The following FKBP5 variants were observed in gnomAD, a reference collection of about 807,000 sequenced individuals.
FKBP5 encodes the protein FKBP prolyl isomerase 5, also known as peptidyl-prolyl cis-trans isomerase FKBP5.
In FKBP5, 23 loss-of-function variants were observed where a neutral mutation model predicts 50.5. The observed-to-expected ratio is 0.46, with a 90% CI of 0.33 to 0.65. The LOEUF is 0.65. Among genes scored for constraint, FKBP5 ranks in the 30% least tolerant of loss-of-function variants. The pLI is 0.02. For missense variants in FKBP5, 411 were observed against 553.1 expected, an observed-to-expected ratio of 0.74 and a Z score of 2.58; for synonymous variants, 176 against 190.6, an observed-to-expected ratio of 0.92 and a Z score of 0.63.
At position 35,590,482 on chromosome 6, in the gene FKBP5, G is replaced by C. The variant is rs573659061; in HGVS notation, c.756+648C>G. On this transcript the variant is annotated intron_variant, in intron 7 of 10. Transcript: ENST00000357266. ...GCTGTGTGTGTCCAGGTCGGCTGCT[G>C]CTGGGAGCCTCCAGAGTGAAACTGA... is the stretch of plus-strand genomic sequence containing the variant. Among the ~76,000 whole-genome samples, 3 of 152,288 alleles carry C rather than the reference G, an allele frequency of 2.0e-5. No homozygotes were observed. In the East Asian group the frequency reaches 5.8e-4, roughly 29 times the overall value.
intron 5 of FKBP5, chr6:35,607,604 G>T: frequency 6.5e-6 from 1 of 153,010 alleles, no homozygotes; most frequent in South Asian, 1.9e-4. Flanking sequence ...CTTCTGCCAC[G>T]GCCACCATTG....
chr6:35,597,437 C>A (rs1477190056), intron 5 of FKBP5, 33 bp from the exon 6 acceptor site: 1 of 1,601,518 alleles, frequency 6.2e-7, no homozygotes, highest in Admixed American at 1.8e-5. Flanking sequence ...GTCAACAGAG[C>A]TGCTTCTTAG....
At chr6:35,710,822 C>T (rs1766398705) in intron 2 of FKBP5, among the ~76,000 whole-genome samples, 1 of 152,176 alleles carries the variant, frequency 6.6e-6, no homozygotes, top group South Asian at 2.1e-4. Flanking sequence ...AAAAGGAACA[C>T]ACTACTTAAT....
At chr6:35,703,379 A>G (rs928040522) in intron 2 of FKBP5, among the ~76,000 whole-genome samples, 1 of 152,180 alleles carries the variant, frequency 6.6e-6, no homozygotes, top group Admixed American at 6.5e-5. Flanking sequence ...GCTGCTGTCC[A>G]GCCTGGCCAA....
intron 8 of FKBP5, chr6:35,586,213 GTTTC>G (rs763451382): frequency 7.0e-5 from 69 of 984,812 alleles, no homozygotes; most frequent in Non-Finnish European, 8.3e-5. Flanking sequence ...ATGAAGGGCG[GTTTC>G]TTTTTTTCTT....
At position 35,577,125 on chromosome 6, in the gene FKBP5, C is replaced by T. The variant is rs1440770891; in HGVS notation, c.1135G>A (p.Glu379Lys). The part of the protein sequence containing the change: ...SAKGDFEKVL[E>K]VNPQNKAARL... ...GCAGCCTTATTCTGGGGGTTTACTT[C>T]CAGCACTTTCTCAAAGTCACCCTTG... Residue 379 changes from glutamate to lysine, a missense_variant, in exon 10 of 11, where the codon GAA becomes AAA. By Grantham distance (56) the Glu-to-Lys change is moderately conservative (BLOSUM62 1). Around this residue, in one of 3 missense-constraint regions of FKBP5, gnomAD observed 267 missense variants for 405.9 expected, o/e 0.66. Transcript: ENST00000357266. The T allele has an allele frequency of 3.7e-6, 6 of 1,614,164 alleles. No homozygotes were observed. Among genetic ancestry groups the T allele is most frequent in the Non-Finnish European group, 3.4e-6 (4 of 1,180,020 alleles).
At chr6:35,611,891 G>A (rs1041602881) in intron 5 of FKBP5, among the ~76,000 whole-genome samples, 2 of 152,114 alleles carry the variant, frequency 1.3e-5, no homozygotes, top group African/African-American at 2.4e-5. Context: ...TGAAAAGGAA[G>A]TAAAAGTTTA....
chr6:35,656,765 C>T (rs1285604434), intron 1 of FKBP5, among the ~76,000 whole-genome samples: 1 of 151,952 alleles, frequency 6.6e-6, no homozygotes, highest in African/African-American at 2.4e-5. Flanking sequence ...GGCATGGTGG[C>T]GCGTGCCTGT....
chr6:35,591,471 T>G (rs1762817626), intron 6 of FKBP5, among the ~76,000 whole-genome samples: 1 of 152,214 alleles, frequency 6.6e-6, no homozygotes. Flanking sequence ...CCTGTACTCC[T>G]TGGGGCAGCT....
intron 2 of FKBP5, among the ~76,000 whole-genome samples, chr6:35,697,701 T>C (rs1385217133): frequency 6.6e-6 from 1 of 152,062 alleles, no homozygotes; most frequent in Non-Finnish European, 1.5e-5. Flanking sequence ...CAGGTAACAA[T>C]ACATAGATTT....
intron 2 of FKBP5, among the ~76,000 whole-genome samples, chr6:35,641,992 C>CAAAATAAAATAAAATAAAATAAAAT (rs373570754): frequency 2.9e-5 from 4 of 140,302 alleles, no homozygotes; most frequent in African/African-American, 1.0e-4. Context: ...GACTCTGTCT[C>CAAAATAAAATAAAATAAAATAAAAT]AAAATAAAAT....
At chr6:35,644,372 G>A (rs749528380) in intron 1 of FKBP5, among the ~76,000 whole-genome samples, 1 of 152,218 alleles carries the variant, frequency 6.6e-6, no homozygotes, top group Non-Finnish European at 1.5e-5. Flanking sequence ...CAGAGTCAAA[G>A]AGTCTTTCTG....
intron 8 of FKBP5, chr6:35,584,400 A>G (rs1321887323): frequency 5.1e-6 from 5 of 985,360 alleles, no homozygotes; most frequent in Non-Finnish European, 4.8e-6. Context: ...GAATTCCAAT[A>G]TGCAGATGGC....
chr6:35,574,071 C>T lies in FKBP5; in HGVS notation c.*1764G>A, dbSNP rs368966476. Reference sequence around the variant, plus strand: ...CAAGTAAGCAAAATCAGCTTTTGCTCTTCATATTTCGTAGGTGAGACTGGG... The same window carrying T: ...CAAGTAAGCAAAATCAGCTTTTGCTTTTCATATTTCGTAGGTGAGACTGGG... On this transcript the variant is annotated 3_prime_UTR_variant, in exon 11 of 11. Coordinates refer to ENST00000357266, the MANE Select transcript of FKBP5 (RefSeq NM_004117.4). 52 of 152,254 alleles carry T rather than the reference C, an allele frequency of 3.4e-4. No homozygotes were observed. Among genetic ancestry groups the T allele is most frequent in the African/African-American group, 1.2e-3 (50 of 41,554 alleles). 9.4% of individuals were successfully genotyped at this position (152,254 alleles called of 1,614,324 possible).
At chr6:35,595,921 A>G (rs1267917561) in intron 6 of FKBP5, among the ~76,000 whole-genome samples, 5 of 152,212 alleles carry the variant, frequency 3.3e-5, no homozygotes, top group African/African-American at 1.2e-4. Context: ...AGTGGGGGCT[A>G]TAGTTAGTGG....
In FKBP5 at chr6:35,660,243, C is replaced by T. The variant is rs543696736; in HGVS notation, c.-19-17400G>A. On this transcript the variant is annotated intron_variant, in intron 1 of 10. Coordinates refer to ENST00000357266, the MANE Select transcript of FKBP5 (RefSeq NM_004117.4). The stretch of plus-strand genomic sequence containing the variant: ...AGCATACATACTTTATGATCTAAGT[C>T]ACTTTAAATGCATTGATGCTATTTT... 1.0e-4 allele frequency among the ~76,000 whole-genome samples: 8 copies of T among 77,976 alleles called. 3 individuals carry two copies. In the South Asian group the frequency reaches 3.7e-3, roughly 36 times the overall value. The allele number at this position is 77,976 out of a possible 152,430, so 51.2% of individuals were successfully genotyped here. A position where few individuals can be genotyped will look rare whatever the true frequency, so the allele number is the denominator to read the frequency against.
chr6:35,575,809 G>C lies in FKBP5; in HGVS notation c.*26C>G, dbSNP rs1762193180. On this transcript the variant is annotated 3_prime_UTR_variant, in exon 11 of 11. Coordinates refer to ENST00000357266, the MANE Select transcript of FKBP5 (RefSeq NM_004117.4). ...CCATTGAGGAGGGGCCGAGTTCACT[G>C]GGACTCTTCCCTCCTTGGCGTGGCG... 6 of 1,477,480 alleles carry C rather than the reference G, an allele frequency of 4.1e-6. No homozygotes were observed. In the East Asian group the frequency reaches 1.4e-4, roughly 33 times the overall value. The allele number at this position is 1,477,480 out of a possible 1,614,324, so 91.5% of individuals were successfully genotyped here. A position where few individuals can be genotyped will look rare whatever the true frequency, so the allele number is the denominator to read the frequency against.
At chr6:35,699,140 G>A (rs1412095251) in intron 2 of FKBP5, among the ~76,000 whole-genome samples, 1 of 152,168 alleles carries the variant, frequency 6.6e-6, no homozygotes, top group Non-Finnish European at 1.5e-5. Flanking sequence ...TACTCACACG[G>A]AAGGCAAGTA....
At chr6:35,605,941 G>T (rs192151761) in intron 5 of FKBP5, among the ~76,000 whole-genome samples, 4 of 152,204 alleles carry the variant, frequency 2.6e-5, no homozygotes, top group Admixed American at 6.5e-5. Context: ...AGGCTTAAAT[G>T]TAAGGCCTGA....
Sources: allele counts gnomAD v4.1 joint callset (sites outside exome capture counted in the v4.1 genomes callset), GRCh38; gene constraint gnomAD v4.1.1; regional missense constraint gnomAD v4.1.1; transcripts MANE v1.5; gene names NCBI Gene and HGNC (gene_info 2026-07-23, HGNC 2026-07-21).